The following CD81 variants were observed in gnomAD, a reference collection of about 807,000 sequenced individuals.
The protein encoded by CD81 is CD81 antigen.
A neutral mutation model predicts 30.1 loss-of-function variants in CD81; 10 were observed. The observed-to-expected ratio is 0.33, with a 90% confidence interval of 0.21 to 0.56. CD81 has a LOEUF of 0.56. CD81 is among the 20% of genes least tolerant of loss of function. CD81 has a pLI of 0.89. For synonymous variants in CD81, 147 were observed against 126.4 expected, an observed-to-expected ratio of 1.16 and a Z score of -1.10; for missense variants, 263 against 308.7, an observed-to-expected ratio of 0.85 and a Z score of 1.11.
chr11:2,382,858 C>T (rs1025442964), intron 1 of CD81, among the ~76,000 whole-genome samples: 9 of 152,208 alleles, frequency 5.9e-5, no homozygotes, highest in East Asian at 3.9e-4. Flanking sequence ...AGCTCCTTCC[C>T]GAGTGGGACC....
Position 2,395,531 on chromosome 11 carries a change from G to A in CD81, c.459+11G>A, listed in dbSNP as rs577229469. On this transcript the variant is annotated intron_variant, in intron 5 of 7. Transcript: ENST00000263645. ...ACCTTCCACGAGACGGTGCGGCCCCGGGGGGCGAGGGCGGGGAGCAGGGCC... is the reference window on the plus strand; with the variant it reads ...ACCTTCCACGAGACGGTGCGGCCCCAGGGGGCGAGGGCGGGGAGCAGGGCC... 1.2e-5 allele frequency: 20 copies of A among 1,604,914 alleles called. No individual in the cohort carries two copies. The highest frequency in any genetic ancestry group is 1.7e-4 in the Middle Eastern group (1 of 6,054).
chr11:2,393,933 C>A, intron 2 of CD81, 162 bp from the exon 3 acceptor site: 1 of 708,368 alleles, frequency 1.4e-6, no homozygotes, highest in Non-Finnish European at 2.6e-6. Context: ...ACTCACCAGG[C>A]CAGGCTGGGA....
chr11:2,396,303 C>T (rs1850001434), intron 6 of CD81: 1 of 569,804 alleles, frequency 1.8e-6, no homozygotes, highest in African/African-American at 1.9e-5. Context: ...ATATAGTGCC[C>T]TGTGGAAGTT....
chr11:2,385,582 CCGT>C lies in CD81; in HGVS notation c.67-4825_67-4823del, dbSNP rs1357467703. On this transcript the variant is annotated intron_variant, in intron 1 of 7. Transcript: ENST00000263645. ...TCTGTGCACCCGTGCTGTGGCGTGCCCGTCGTCTGTGTGGCATGCCTGTCTGTG... is the reference window on the plus strand; with the variant it reads ...TCTGTGCACCCGTGCTGTGGCGTGCCCGTCTGTGTGGCATGCCTGTCTGTG... The C allele has an allele frequency of 1.1e-5, 3 of 269,316 alleles. 1 individual carries two copies. The highest frequency in any genetic ancestry group is 4.5e-5 in the African/African-American group (2 of 44,402). The allele number at this position is 269,316 out of a possible 1,614,324, so 16.7% of individuals were successfully genotyped here.
At position 2,395,569 on chromosome 11, in the gene CD81, C is replaced by A. The variant is rs371055890; in HGVS notation, c.459+49C>A. The A allele has an allele frequency of 2.8e-6, 4 of 1,431,964 alleles. No homozygotes were observed. In the East Asian group the frequency reaches 9.1e-5, roughly 33 times the overall value. The allele number at this position is 1,431,964 out of a possible 1,614,324, so 88.7% of individuals were successfully genotyped here. On this transcript the variant is annotated intron_variant, in intron 5 of 7. Transcript: ENST00000263645. ...GGGGAGCAGGGCCCCGGGAACCCGG[C>A]GGGGTGTGTCTCGTCCTGGATGAAT...
Position 2,390,978 on chromosome 11 carries a change from G to C in CD81, c.181+452G>C, listed in dbSNP as rs111250040. On this transcript the variant is annotated intron_variant, in intron 2 of 7. Transcript: ENST00000263645. The stretch of plus-strand genomic sequence containing the variant: ...GGAGAGGGGTGGAGACGCCCCAGAG[G>C]CGGTGTGACTCAGCTGCCCCTGCAG... 1,452 of 282,294 alleles carry C rather than the reference G, an allele frequency of 5.1e-3. 22 individuals are homozygous for C. Among genetic ancestry groups the C allele is most frequent in the African/African-American group, 0.028 (1,308 of 45,934 alleles). The allele number at this position is 282,294 out of a possible 1,614,324, so 17.5% of individuals were successfully genotyped here.
intron 1 of CD81, among the ~76,000 whole-genome samples, chr11:2,383,990 C>T (rs544260664): frequency 1.3e-5 from 2 of 152,316 alleles, no homozygotes; most frequent in East Asian, 3.9e-4. Flanking sequence ...GGTAGGGGAG[C>T]TGACCTAGGC....
chr11:2,387,816 G>T (rs1849823118), intron 1 of CD81, among the ~76,000 whole-genome samples: 1 of 152,232 alleles, frequency 6.6e-6, no homozygotes. Flanking sequence ...TCTGGGGCCT[G>T]GGCGGGGGAA....
chr11:2,390,385 T>C (rs1230437191), intron 1 of CD81, 27 bp from the exon 2 acceptor site: 3 of 1,567,372 alleles, frequency 1.9e-6, no homozygotes, highest in East Asian at 2.2e-5. Context: ...TCTTCGTACA[T>C]GTGACACTGT....
At chr11:2,394,344 A>G (rs1268875798) in intron 3 of CD81, 152 bp downstream of exon 3, 1 of 613,064 alleles carries the variant, frequency 1.6e-6, no homozygotes, top group Admixed American at 2.8e-5. Flanking sequence ...TGGTTTTTAA[A>G]TTAAATCCCA....
At chr11:2,392,794 C>G (rs575601783) in intron 2 of CD81, 38 of 152,314 alleles carry the variant, frequency 2.5e-4, no homozygotes, top group Admixed American at 2.2e-3. Context: ...GGCCCAAGGG[C>G]GTTAAGAGAG....
At chr11:2,396,526 C>T in intron 6 of CD81, 102 bp from the exon 7 acceptor site, 2 of 1,032,666 alleles carry the variant, frequency 1.9e-6, no homozygotes, top group Non-Finnish European at 3.0e-6. Context: ...TCCCAGGATT[C>T]CCCTCTACGC....
rs78954016 is a variant in CD81 at position 2,394,207 on chromosome 11, C to T, written c.279+15C>T. The T allele has an allele frequency of 8.5e-4, 1,341 of 1,575,388 alleles. 18 individuals are homozygous for T. In the East Asian group the frequency reaches 0.025, roughly 30 times the overall value. Reference sequence around the variant, plus strand: ...TGCTGGGGACGGTAAGGCAGGGAGGCGGGCCTGTGCCTGGGCCGGGGAGGG... The same window carrying T: ...TGCTGGGGACGGTAAGGCAGGGAGGTGGGCCTGTGCCTGGGCCGGGGAGGG... On this transcript the variant is annotated intron_variant, in intron 3 of 7. Coordinates refer to ENST00000263645, the MANE Select transcript of CD81 (RefSeq NM_004356.4).
chr11:2,390,784 T>A (rs1564993360), intron 2 of CD81, among the ~76,000 whole-genome samples: 2 of 151,978 alleles, frequency 1.3e-5, no homozygotes, highest in Non-Finnish European at 2.9e-5. Flanking sequence ...CCTTGCTTAT[T>A]TTAAGTGTGG....
chr11:2,388,740 CG>C (rs1403458875), intron 1 of CD81, among the ~76,000 whole-genome samples: 3 of 151,574 alleles, frequency 2.0e-5, no homozygotes, highest in Admixed American at 6.6e-5. Flanking sequence ...TGGCCCCCCC[CG>C]GGTGCCTCCT....
At chr11:2,390,942 A>C (rs1441909432) in intron 2 of CD81, 2 of 150,030 alleles carry the variant, frequency 1.3e-5, no homozygotes, top group African/African-American at 7.8e-5. Flanking sequence ...GAGACGGGGC[A>C]GGGGAGGGGT....
chr11:2,395,801 TG>T, intron 5 of CD81, 67 bp from the exon 6 acceptor site: 1 of 1,083,340 alleles, frequency 9.2e-7, no homozygotes. Context: ...CACCTCCCCA[TG>T]GGTTCCCTAG....
At chr11:2,395,082 T>C (rs1589853684) in intron 4 of CD81, 36 bp downstream of exon 4, 13 of 1,516,034 alleles carry the variant, frequency 8.6e-6, no homozygotes, top group African/African-American at 2.8e-5. Flanking sequence ...GTGGGGTGGG[T>C]GACGGGGGCA....
At chr11:2,385,790 G>T in intron 1 of CD81, 1 of 610,104 alleles carries the variant, frequency 1.6e-6, no homozygotes, top group Non-Finnish European at 3.1e-6. Flanking sequence ...ACGGACCCCA[G>T]GTTCACCCGT....
Sources: allele counts gnomAD v4.1 joint callset (sites outside exome capture counted in the v4.1 genomes callset), GRCh38; gene constraint gnomAD v4.1.1; transcripts MANE v1.5; gene names NCBI Gene and HGNC (gene_info 2026-07-23, HGNC 2026-07-21).